The following ADCY8 variants were observed in gnomAD, a reference collection of about 807,000 sequenced individuals.
ADCY8 encodes adenylate cyclase 8.
Under a neutral mutation model 119.7 loss-of-function variants are expected in ADCY8, and 51 were observed. The observed-to-expected ratio is 0.43, with a 90% CI of 0.34 to 0.54. ADCY8 has a LOEUF of 0.54. Ranked by LOEUF, ADCY8 falls within the 20% of genes least tolerant of loss-of-function variation. The probability of loss-of-function intolerance (pLI) is 0.03; values close to 1 mark genes in which losing one functional copy is unlikely to be tolerated. For missense variants in ADCY8, 1,383 were observed against 1,598.8 expected (o/e 0.87, Z 2.30); for synonymous variants, 665 against 651.0 (o/e 1.02, Z -0.33).
intron 1 of ADCY8, among the ~76,000 whole-genome samples, chr8:131,029,986 C>G (rs1823947755): frequency 6.6e-6 from 1 of 152,112 alleles, no homozygotes; most frequent in Non-Finnish European, 1.5e-5. Flanking sequence ...CTGCTAGAGA[C>G]ACAAAGATGG....
intron 5 of ADCY8, among the ~76,000 whole-genome samples, chr8:130,915,100 C>T (rs1820087892): frequency 6.6e-6 from 1 of 152,138 alleles, no homozygotes; most frequent in Admixed American, 6.5e-5. Context: ...GGTGAGATTC[C>T]ATTCAAAATT....
intron 5 of ADCY8, among the ~76,000 whole-genome samples, chr8:130,923,560 A>G (rs1288928065): frequency 6.6e-6 from 1 of 152,172 alleles, no homozygotes; most frequent in Non-Finnish European, 1.5e-5. Flanking sequence ...TTTCATTAAG[A>G]TTAATCAAGA....
chr8:130,901,798 A>G (rs1319152182), intron 7 of ADCY8, among the ~76,000 whole-genome samples: 2 of 152,190 alleles, frequency 1.3e-5, no homozygotes, highest in Admixed American at 1.3e-4. Context: ...TTTCGTGCTA[A>G]AGATGGCACA....
Position 130,943,354 on chromosome 8 carries a change from G to A in ADCY8, c.1350C>T (p.Ala450=), listed in dbSNP as rs757283046. Residue 450 remains alanine, a synonymous_variant, in exon 4 of 18, where the codon GCC becomes GCT. Transcript: ENST00000286355. ...NELFARFDRL[A]HEHHCLRIKI... ...GAGGAAATTAAATTCAACTCACATG[G>A]GCCAGTCGATCAAATCTGGCAAAGA... The A allele has an allele frequency of 1.7e-5, 28 of 1,610,896 alleles. No homozygotes were observed. Among genetic ancestry groups the A allele is most frequent in the Non-Finnish European group, 1.7e-6 (2 of 1,177,498 alleles).
At chr8:130,941,604 A>G (rs1234010247) in intron 4 of ADCY8, among the ~76,000 whole-genome samples, 1 of 152,162 alleles carries the variant, frequency 6.6e-6, no homozygotes, top group African/African-American at 2.4e-5. Context: ...CTAGCCCTCC[A>G]GCTAAAACCA....
intron 2 of ADCY8, among the ~76,000 whole-genome samples, chr8:130,971,188 G>C (rs1406931748): frequency 6.6e-6 from 1 of 152,176 alleles, no homozygotes; most frequent in Non-Finnish European, 1.5e-5. Context: ...TCATTGTCAT[G>C]TTAATTATTG....
chr8:130,996,562 A>C (rs1395625325), intron 1 of ADCY8, among the ~76,000 whole-genome samples: 1 of 152,124 alleles, frequency 6.6e-6, no homozygotes, highest in East Asian at 1.9e-4. Flanking sequence ...TGTACATGAT[A>C]CATGTAGCTC....
chr8:131,008,131 G>A (rs921015206), intron 1 of ADCY8, among the ~76,000 whole-genome samples: 13 of 152,060 alleles, frequency 8.5e-5, no homozygotes, highest in African/African-American at 2.9e-4. Context: ...AAGAAAATAG[G>A]GATGCAACGT....
chr8:130,785,804 G>C (rs1815232611), intron 15 of ADCY8, among the ~76,000 whole-genome samples: 3 of 152,176 alleles, frequency 2.0e-5, no homozygotes. Context: ...AGTCTTCACT[G>C]TGACTTGCAA....
chr8:130,821,057 GA>G (rs1816493193), intron 13 of ADCY8, among the ~76,000 whole-genome samples: 1 of 152,190 alleles, frequency 6.6e-6, no homozygotes, highest in South Asian at 2.1e-4. Flanking sequence ...CCAGGCAACA[GA>G]ATTGGGAGGG....
chr8:130,852,218 G>A (rs928149680), intron 9 of ADCY8, among the ~76,000 whole-genome samples: 1 of 152,208 alleles, frequency 6.6e-6, no homozygotes, highest in Non-Finnish European at 1.5e-5. Context: ...GCTGGAAAGT[G>A]ACTCCTCCCA....
intron 2 of ADCY8, among the ~76,000 whole-genome samples, chr8:130,955,509 T>A (rs192095297): frequency 1.4e-4 from 22 of 152,276 alleles, no homozygotes; most frequent in Middle Eastern, 3.4e-3. Flanking sequence ...TGCACAATTA[T>A]GTCTACAGTT....
At chr8:130,819,092 C>T in intron 13 of ADCY8, among the ~76,000 whole-genome samples, 1 of 152,130 alleles carries the variant, frequency 6.6e-6, no homozygotes, top group Non-Finnish European at 1.5e-5. Flanking sequence ...TGAAGTAGAA[C>T]TTGTTATTAT....
intron 12 of ADCY8, among the ~76,000 whole-genome samples, chr8:130,836,075 A>G (rs998337940): frequency 3.3e-5 from 5 of 152,210 alleles, no homozygotes; most frequent in Non-Finnish European, 4.4e-5. Flanking sequence ...TGATTAATTC[A>G]TCTGTAATTC....
At chr8:131,033,621 A>ACT (rs3833745) in intron 1 of ADCY8, among the ~76,000 whole-genome samples, 12,376 of 152,062 alleles carry the variant, frequency 0.081, 861 homozygotes, top group African/African-American at 0.19. Context: ...TCATTTTACA[A>ACT]CTCTCTAAAT....
chr8:130,846,747 A>C (rs1169279152), intron 11 of ADCY8, among the ~76,000 whole-genome samples: 168 of 62,186 alleles, frequency 2.7e-3, no homozygotes, highest in Middle Eastern at 0.02. Context: ...TCCCCTTCCT[A>C]CCTTCTGTCC....
In ADCY8 at chr8:130,811,282, G is replaced by C. The variant is rs1011588386; in HGVS notation, c.2913+2787C>G. Among the ~76,000 whole-genome samples the C allele has an allele frequency of 2.6e-5, 4 of 152,230 alleles. No individual in the cohort carries two copies. The South Asian group carries it at 6.2e-4, about 24-fold the overall frequency. ...TTCTTCAGTGGCTCAGATGAAAAAT[G>C]GACCTCATCATTCTCTCCTAGCTCT... On this transcript the variant is annotated intron_variant, in intron 14 of 17. Coordinates refer to ENST00000286355, the MANE Select transcript of ADCY8 (RefSeq NM_001115.3).
intron 12 of ADCY8, among the ~76,000 whole-genome samples, chr8:130,825,026 C>A (rs757740961): frequency 1.7e-4 from 26 of 152,148 alleles, no homozygotes; most frequent in Admixed American, 3.9e-4. Context: ...TTTTGTGCAT[C>A]CCAAAACCTT....
intron 15 of ADCY8, among the ~76,000 whole-genome samples, chr8:130,789,405 T>A (rs1815356075): frequency 6.6e-6 from 1 of 152,162 alleles, no homozygotes; most frequent in African/African-American, 2.4e-5. Context: ...TTATATTGAA[T>A]GATTGGTGTT....
Sources: gnomAD v4.1 joint callset for allele counts (sites outside exome capture counted in the v4.1 genomes callset) on GRCh38, gnomAD v4.1.1 for gene constraint, MANE v1.5 for transcripts, NCBI Gene and HGNC (gene_info 2026-07-23, HGNC 2026-07-21) for gene names.